Variants in B4GALT5 observed in about 807,000 individuals in gnomAD.
The protein encoded by B4GALT5 is UDP-Gal:beta-GlcNAc beta-1,4-galactosyltransferase 5.
Under a neutral mutation model 45.0 loss-of-function variants are expected in B4GALT5, and 11 were observed. That is an observed-to-expected ratio of 0.24 (90% confidence interval 0.15 to 0.40). The LOEUF (loss-of-function observed/expected upper bound fraction) is 0.40, where lower values mean the gene tolerates loss of function less well. B4GALT5 is among the 10% of genes least tolerant of loss of function. The pLI is 1.00. For missense variants in B4GALT5, 337 were observed against 500.2 expected (o/e 0.67, Z 3.11); for synonymous variants, 185 against 182.9 (o/e 1.01, Z -0.09).
At chr20:49,647,287 C>T (rs1010148136) in intron 2 of B4GALT5, among the ~76,000 whole-genome samples, 4 of 152,136 alleles carry the variant, frequency 2.6e-5, no homozygotes, top group Non-Finnish European at 4.4e-5. Context: ...GTTCCTATTC[C>T]TATTGATTTT....
At chr20:49,694,658 A>AAAAGGAAAG in intron 1 of B4GALT5, among the ~76,000 whole-genome samples, 1 of 143,040 alleles carries the variant, frequency 7.0e-6, no homozygotes, top group African/African-American at 2.7e-5. Context: ...GAAAGGGAAA[A>AAAAGGAAAG]GGAAAGGGAA....
intron 1 of B4GALT5, among the ~76,000 whole-genome samples, chr20:49,699,367 CA>C (rs11476698): frequency 0.59 from 55,845 of 94,070 alleles, 13,468 homozygotes; most frequent in Middle Eastern, 0.65. Flanking sequence ...CCTAAATGGG[CA>C]AAAAAAAAAA....
intron 8 of B4GALT5, 150 bp from the exon 9 acceptor site, chr20:49,636,609 T>C (rs2085555082): frequency 3.6e-6 from 3 of 830,800 alleles, no homozygotes; most frequent in Non-Finnish European, 3.7e-6. Flanking sequence ...AATTCTGCTA[T>C]GCCAGGCTGA....
intron 1 of B4GALT5, among the ~76,000 whole-genome samples, chr20:49,682,107 A>T (rs998110141): frequency 6.6e-6 from 1 of 152,182 alleles, no homozygotes; most frequent in Non-Finnish European, 1.5e-5. Context: ...AAAATAAATA[A>T]ATAAATAAAA....
rs769549483 is a variant in B4GALT5, at chr20:49,643,590, G to A, written c.425C>T (p.Ser142Phe). ...IGMDYIHELF[S>F]KDPTIKLGGH... Reference sequence around the variant, plus strand: ...TCCGAGCTTGATGGTTGGGTCTTTGGAGAAGAGTTCATGAATGTAATCCAT... The same window carrying A: ...TCCGAGCTTGATGGTTGGGTCTTTGAAGAAGAGTTCATGAATGTAATCCAT... Residue 142 changes from serine (S) to phenylalanine (F), a missense_variant, in exon 4 of 9, where the codon TCC becomes TTC. Physicochemically the swap from Ser to Phe is radical, Grantham distance 155 (BLOSUM62 -2). This residue lies in a region of B4GALT5 where 174 missense variants were observed against 207.4 expected (regional missense o/e 0.84). Transcript: ENST00000371711. 19 of 1,613,896 alleles carry A rather than the reference G, an allele frequency of 1.2e-5. No individual in the cohort carries two copies. The highest frequency in any genetic ancestry group is 2.2e-5 in the East Asian group (1 of 44,888).
chr20:49,696,963 G>A lies in B4GALT5; in HGVS notation c.115+16613C>T, dbSNP rs544263662. Among the ~76,000 whole-genome samples, 8 of 152,260 alleles carry A rather than the reference G, an allele frequency of 5.3e-5. No individual in the cohort carries two copies. The South Asian group carries it at 6.2e-4, about 12-fold the overall frequency. On this transcript the variant is annotated intron_variant, in intron 1 of 8. Transcript: ENST00000371711. ...ACCTGAAACTATAGCTTCAATCTAT[G>A]CAGATGGTTTTACTATTTTAATTAT...
chr20:49,686,728 C>CCA (rs1200395706), intron 1 of B4GALT5, among the ~76,000 whole-genome samples: 1 of 59,456 alleles, frequency 1.7e-5, no homozygotes, highest in East Asian at 5.4e-4. Flanking sequence ...TGTCTCTGCC[C>CCA]AAAAAAAAAA....
intron 1 of B4GALT5, among the ~76,000 whole-genome samples, chr20:49,708,148 G>A (rs2085892818): frequency 6.6e-6 from 1 of 151,952 alleles, no homozygotes; most frequent in African/African-American, 2.4e-5. Flanking sequence ...GGGAAGCTGA[G>A]GCAGGAGGAT....
chr20:49,704,641 C>T (rs1433422115), intron 1 of B4GALT5, among the ~76,000 whole-genome samples: 1 of 150,804 alleles, frequency 6.6e-6, no homozygotes, highest in Non-Finnish European at 1.5e-5. Flanking sequence ...ATGGCGTGAA[C>T]CCGGGAGGCG....
At chr20:49,704,898 C>T (rs922357511) in intron 1 of B4GALT5, among the ~76,000 whole-genome samples, 2 of 152,052 alleles carry the variant, frequency 1.3e-5, no homozygotes, top group African/African-American at 4.8e-5. Flanking sequence ...TGAACAGGTT[C>T]GCTTCTGATT....
rs201844906 is a variant in B4GALT5 at position 49,663,882 on chromosome 20, C to CT, written c.116-7181dup. Among the ~76,000 whole-genome samples the CT allele has an allele frequency of 8.9e-3, 1,346 of 152,012 alleles. 25 individuals carry two copies. Among genetic ancestry groups the CT allele is most frequent in the African/African-American group, 0.031 (1,288 of 41,464 alleles). Reference sequence around the variant, plus strand: ...AAAGAACCGTAAAGAATCTGGAACTCTGTTTAGCAGGTCTGTTGATTACAG... The same window carrying CT: ...AAAGAACCGTAAAGAATCTGGAACTCTTGTTTAGCAGGTCTGTTGATTACAG... On this transcript the variant is annotated intron_variant, in intron 1 of 8. Coordinates refer to ENST00000371711, the MANE Select transcript of B4GALT5 (RefSeq NM_004776.4).
chr20:49,651,540 G>C (rs2085622543), intron 2 of B4GALT5, among the ~76,000 whole-genome samples: 1 of 151,890 alleles, frequency 6.6e-6, no homozygotes, highest in South Asian at 2.1e-4. Flanking sequence ...AGCAAGCCAA[G>C]ATCGTGCCAC....
At chr20:49,664,079 G>A (rs1000367835) in intron 1 of B4GALT5, among the ~76,000 whole-genome samples, 2 of 152,032 alleles carry the variant, frequency 1.3e-5, no homozygotes, top group African/African-American at 4.8e-5. Flanking sequence ...GATCTAGCAG[G>A]TCATCCCTTT....
chr20:49,673,389 A>AC (rs397735678), intron 1 of B4GALT5, among the ~76,000 whole-genome samples: 134 of 151,776 alleles, frequency 8.8e-4, no homozygotes, highest in Non-Finnish European at 1.5e-3. Context: ...CAAAAAAAAA[A>AC]CAACCAGAAA....
chr20:49,668,869 A>T (rs1193185463), intron 1 of B4GALT5, among the ~76,000 whole-genome samples: 1 of 151,740 alleles, frequency 6.6e-6, no homozygotes, highest in Non-Finnish European at 1.5e-5. Flanking sequence ...GCTCATACTA[A>T]GCTTTTTTTT....
chr20:49,638,089 G>T (rs1389077873), intron 7 of B4GALT5, among the ~76,000 whole-genome samples: 1 of 151,950 alleles, frequency 6.6e-6, no homozygotes, highest in Non-Finnish European at 1.5e-5. Context: ...GGTGATCATG[G>T]TTCAGTGCAG....
intron 3 of B4GALT5, among the ~76,000 whole-genome samples, chr20:49,646,715 C>A (rs929685490): frequency 2.0e-5 from 3 of 151,946 alleles, no homozygotes; most frequent in African/African-American, 7.3e-5. Context: ...CAAACAGAAC[C>A]CAAGTTACAA....
At chr20:49,703,128 G>C (rs6012717) in intron 1 of B4GALT5, among the ~76,000 whole-genome samples, 2,107 of 145,752 alleles carry the variant, frequency 0.014, 62 homozygotes, top group African/African-American at 0.051. Flanking sequence ...GAGACCAGAT[G>C]GCGCCACTGC....
chr20:49,637,464 G>A (rs1468277228), intron 7 of B4GALT5, 22 bp from the exon 8 acceptor site: 1 of 1,584,450 alleles, frequency 6.3e-7, no homozygotes. Context: ...CAAGAGAACA[G>A]GCTTTTAGAT....
Sources: allele counts gnomAD v4.1 joint callset (sites outside exome capture counted in the v4.1 genomes callset), GRCh38; gene constraint gnomAD v4.1.1; regional missense constraint gnomAD v4.1.1; transcripts MANE v1.5; gene names NCBI Gene and HGNC (gene_info 2026-07-23, HGNC 2026-07-21).